FBN1: variants seen among roughly 807,000 people sequenced by gnomAD.
The protein encoded by FBN1 is fibrillin 1.
In FBN1, 29 loss-of-function variants were observed where a neutral mutation model predicts 365.1. That is an observed-to-expected ratio of 0.08 (90% confidence interval 0.06 to 0.11). FBN1 has a LOEUF of 0.11. Ranked by LOEUF, FBN1 falls within the 10% of genes least tolerant of loss-of-function variation. FBN1 has a pLI of 1.00. For synonymous variants in FBN1, 1,210 were observed against 1,270.5 expected (o/e 0.95, Z 1.01); for missense variants, 2,476 against 3,703.2 (o/e 0.67, Z 8.60).
intron 29 of FBN1, 114 bp downstream of exon 29, chr15:48,486,961 T>TAC: frequency 3.6e-6 from 3 of 824,248 alleles, no homozygotes; most frequent in Non-Finnish European, 5.0e-6. Flanking sequence ...AAACTCAGAG[T>TAC]ACATAGAGTG....
At position 48,568,777 on chromosome 15, in the gene FBN1, T is replaced by C. The variant is rs534362807; in HGVS notation, c.538+27506A>G. ...TTTTCAACAAATAGTACTAGTAACA[T>C]TGGATATGGATATGTACATGCAAAA... On this transcript the variant is annotated intron_variant, in intron 6 of 65. Transcript: ENST00000316623. 3.9e-4 allele frequency among the ~76,000 whole-genome samples: 59 copies of C among 152,148 alleles called. No homozygotes were observed. In the South Asian group the frequency reaches 4.8e-3, roughly 12 times the overall value.
At chr15:48,454,334 TA>T (rs1185566187) in intron 44 of FBN1, among the ~76,000 whole-genome samples, 2 of 152,194 alleles carry the variant, frequency 1.3e-5, no homozygotes, top group African/African-American at 4.8e-5. Flanking sequence ...GGAGTTATCA[TA>T]AAACTACTGA....
intron 32 of FBN1, among the ~76,000 whole-genome samples, chr15:48,478,635 T>C (rs182281477): frequency 1.3e-5 from 2 of 152,290 alleles, no homozygotes; most frequent in East Asian, 1.9e-4. Context: ...AGAAAAATTG[T>C]AATCCAGCCC....
At chr15:48,457,210 T>C (rs2141261162) in intron 43 of FBN1, among the ~76,000 whole-genome samples, 1 of 152,076 alleles carries the variant, frequency 6.6e-6, no homozygotes, top group Middle Eastern at 3.4e-3. Context: ...CCAGTTTAAC[T>C]CCCCCTTCCT....
intron 6 of FBN1, among the ~76,000 whole-genome samples, chr15:48,578,690 A>AAG (rs2044367631): frequency 6.9e-6 from 1 of 144,314 alleles, no homozygotes; most frequent in Non-Finnish European, 1.6e-5. Flanking sequence ...AAAATGATGC[A>AAG]TTCATGTCCT....
rs558370254 is a variant in FBN1, at chr15:48,600,597, C to T, written c.347-363G>A. ...CGCATGCCTGTAATCCCAGCCACTC[C>T]GGAGGCTGAGGCAAGAGAATCGCTT... On this transcript the variant is annotated intron_variant, in intron 4 of 65. Transcript: ENST00000316623. Among the ~76,000 whole-genome samples, 121 of 152,132 alleles carry T rather than the reference C, an allele frequency of 8.0e-4. 1 individual carries two copies. Among genetic ancestry groups the T allele is most frequent in the African/African-American group, 2.2e-3 (93 of 41,494 alleles).
At chr15:48,603,827 T>C (rs1288965169) in intron 4 of FBN1, among the ~76,000 whole-genome samples, 2 of 152,286 alleles carry the variant, frequency 1.3e-5, no homozygotes, top group South Asian at 2.1e-4. Flanking sequence ...ACCCTGAGTG[T>C]CCTAGGGTCC....
chr15:48,515,667 G>C, intron 11 of FBN1, 140 bp from the exon 12 acceptor site: 1 of 1,125,892 alleles, frequency 8.9e-7, no homozygotes, highest in Non-Finnish European at 1.3e-6. Context: ...GGTGACAACA[G>C]AGCATATTTC....
intron 60 of FBN1, among the ~76,000 whole-genome samples, chr15:48,423,283 C>T (rs2042956721): frequency 6.6e-6 from 1 of 152,258 alleles, no homozygotes; most frequent in Non-Finnish European, 1.5e-5. Context: ...TCAGTGCCAG[C>T]TTTGCCAGTG....
intron 43 of FBN1, 55 bp downstream of exon 43, chr15:48,460,191 A>G: frequency 2.3e-6 from 3 of 1,297,768 alleles, no homozygotes; most frequent in Non-Finnish European, 2.2e-6. Context: ...TGAAAAAATA[A>G]TGCTAACACA....
intron 34 of FBN1, among the ~76,000 whole-genome samples, chr15:48,473,712 A>G (rs1326485359): frequency 2.0e-5 from 3 of 152,186 alleles, no homozygotes; most frequent in African/African-American, 7.2e-5. Flanking sequence ...CTGTTCTTCT[A>G]ATCTAGAACA....
chr15:48,567,674 T>C (rs901608087), intron 6 of FBN1, among the ~76,000 whole-genome samples: 1 of 152,170 alleles, frequency 6.6e-6, no homozygotes, highest in Admixed American at 6.6e-5. Context: ...AATCAATTAA[T>C]GTAATACACC....
chr15:48,565,054 G>A (rs965640184), intron 6 of FBN1, among the ~76,000 whole-genome samples: 3 of 152,076 alleles, frequency 2.0e-5, no homozygotes, highest in Non-Finnish European at 4.4e-5. Flanking sequence ...ACCACTTTAC[G>A]ATGGTAATAA....
chr15:48,480,415 GA>G lies in FBN1; in HGVS notation c.3964+1239del, dbSNP rs2043457192. On this transcript the variant is annotated intron_variant, in intron 32 of 65. Coordinates refer to ENST00000316623, the MANE Select transcript of FBN1 (RefSeq NM_000138.5). ...TACAAAGCTAGGCACCATTTGTACC[GA>G]GAGGCCGTATAGGAGTTGAGAGTTT... Among the ~76,000 whole-genome samples, 4 of 152,054 alleles carry G rather than the reference GA, an allele frequency of 2.6e-5. No individual in the cohort carries two copies. In the South Asian group the frequency reaches 8.3e-4, roughly 31 times the overall value.
chr15:48,540,720 C>A (rs770104801), intron 6 of FBN1, among the ~76,000 whole-genome samples: 2 of 152,074 alleles, frequency 1.3e-5, no homozygotes, highest in Non-Finnish European at 2.9e-5. Flanking sequence ...ATAAAACTCT[C>A]CATGTTAGGT....
In FBN1 at chr15:48,537,521, T is replaced by A. The variant is rs572783445; in HGVS notation, c.736+90A>T. 4.9e-4 allele frequency: 747 copies of A among 1,513,864 alleles called. 3 individuals are homozygous for A. The African/African-American group carries it at 9.5e-3, about 19-fold the overall frequency. 93.8% of individuals were successfully genotyped at this position (1,513,864 alleles called of 1,614,324 possible). On this transcript the variant is annotated intron_variant, in intron 7 of 65. Transcript: ENST00000316623. ...AATTGTGAAGTTATGTAGCTGACAC[T>A]ACTTTTCCATTCTCTTCAACTTCAT... is the stretch of plus-strand genomic sequence containing the variant.
chr15:48,412,299 G>C (rs1409398954), intron 65 of FBN1, among the ~76,000 whole-genome samples: 1 of 152,180 alleles, frequency 6.6e-6, no homozygotes, highest in East Asian at 1.9e-4. Flanking sequence ...CCTTTCAGCA[G>C]ACTTTGGGTG....
At chr15:48,459,516 G>C (rs1459306315) in intron 43 of FBN1, among the ~76,000 whole-genome samples, 1 of 152,178 alleles carries the variant, frequency 6.6e-6, no homozygotes, top group East Asian at 1.9e-4. Flanking sequence ...AGCAAGTGGT[G>C]ATGTTTGCTA....
chr15:48,594,240 T>G (rs1006411563), intron 6 of FBN1, among the ~76,000 whole-genome samples: 1 of 152,122 alleles, frequency 6.6e-6, no homozygotes, highest in African/African-American at 2.4e-5. Context: ...GACACCCATG[T>G]TTTTCTTCTC....
Sources: gnomAD v4.1 joint callset for allele counts (sites outside exome capture counted in the v4.1 genomes callset) on GRCh38, gnomAD v4.1.1 for gene constraint, MANE v1.5 for transcripts, NCBI Gene and HGNC (gene_info 2026-07-23, HGNC 2026-07-21) for gene names.